Variants in MCF2L observed in about 807,000 individuals in gnomAD.
The protein encoded by MCF2L is MCF.2 cell line derived transforming sequence like.
Under a neutral mutation model 153.4 loss-of-function variants are expected in MCF2L, and 97 were observed. The ratio of observed to expected loss-of-function variants is 0.63; its 90% CI spans 0.54 to 0.75. MCF2L has a LOEUF of 0.75. Among genes scored for constraint, MCF2L ranks in the 30% least tolerant of loss-of-function variants. MCF2L has a pLI of 0.00. For missense variants in MCF2L, 1,347 were observed against 1,495.2 expected (o/e 0.90, Z 1.64); for synonymous variants, 659 against 632.2 (o/e 1.04, Z -0.64).
At chr13:112,942,477 G>C (rs556514029) in intron 2 of MCF2L, among the ~76,000 whole-genome samples, 1 of 152,066 alleles carries the variant, frequency 6.6e-6, no homozygotes, top group Non-Finnish European at 1.5e-5. Context: ...ACCAGTCTCC[G>C]TGTCTTGGTG....
Position 113,088,177 on chromosome 13 carries a change from C to T in MCF2L, c.2689-150C>T, listed in dbSNP as rs2034822677. The T allele has an allele frequency of 4.0e-6, 3 of 755,106 alleles. No individual in the cohort carries two copies. In the South Asian group the frequency reaches 4.7e-5, roughly 12 times the overall value. The allele number at this position is 755,106 out of a possible 1,614,324, so 46.8% of individuals were successfully genotyped here. A position where few individuals can be genotyped will look rare whatever the true frequency, so the allele number is the denominator to read the frequency against. On this transcript the variant is annotated intron_variant, in intron 23 of 29. Transcript: ENST00000535094. ...CACAGAGGGTCCCGCAATGCGGGGC[C>T]ACCCACAGTGCTTTCCTCCTCTCCC...
intron 2 of MCF2L, among the ~76,000 whole-genome samples, chr13:112,912,868 T>A (rs751599035): frequency 1.3e-5 from 2 of 150,276 alleles, no homozygotes; most frequent in African/African-American, 4.9e-5. Context: ...CTGTATGGGG[T>A]GTGTCTGTGT....
At chr13:113,095,020 G>A (rs2035530500) in intron 27 of MCF2L, 1 of 1,374,592 alleles carries the variant, frequency 7.3e-7, no homozygotes, top group South Asian at 1.1e-5. Flanking sequence ...CTTCCTCAGA[G>A]GAGACAGTCC....
At chr13:112,995,914 G>A (rs936439451) in intron 1 of MCF2L, among the ~76,000 whole-genome samples, 1 of 152,184 alleles carries the variant, frequency 6.6e-6, no homozygotes, top group Non-Finnish European at 1.5e-5. Flanking sequence ...GGCGGCCACC[G>A]GGGAGTGATG....
chr13:112,999,732 G>C (rs1223717471), intron 1 of MCF2L, among the ~76,000 whole-genome samples: 1 of 152,222 alleles, frequency 6.6e-6, no homozygotes, highest in African/African-American at 2.4e-5. Flanking sequence ...GGAAGCTGGA[G>C]GTGAGGACAC....
chr13:113,095,018 G>GTCCCCACCCCCCTACCCTTT (rs2035530057), intron 27 of MCF2L: 1 of 1,374,960 alleles, frequency 7.3e-7, no homozygotes, highest in Non-Finnish European at 9.7e-7. Context: ...ACCTTCCTCA[G>GTCCCCACCCCCCTACCCTTT]AGGAGACAGT....
At chr13:112,976,888 A>G (rs2082233795) in intron 1 of MCF2L, among the ~76,000 whole-genome samples, 1 of 152,186 alleles carries the variant, frequency 6.6e-6, no homozygotes, top group Non-Finnish European at 1.5e-5. Flanking sequence ...GCCCAGTCGG[A>G]CAGTGCGGGG....
intron 2 of MCF2L, among the ~76,000 whole-genome samples, chr13:113,020,274 G>T (rs1026802711): frequency 6.6e-6 from 1 of 152,216 alleles, no homozygotes; most frequent in Non-Finnish European, 1.5e-5. Flanking sequence ...TGTTTGGGCC[G>T]AGGCATCACA....
At chr13:112,922,558 C>T (rs1272394937) in intron 2 of MCF2L, among the ~76,000 whole-genome samples, 4 of 151,590 alleles carry the variant, frequency 2.6e-5, no homozygotes, top group East Asian at 1.9e-4. Flanking sequence ...ATCAGCCAGG[C>T]GCAGTGGCTC....
At position 113,014,803 on chromosome 13, in the gene MCF2L, C is replaced by T. The variant is rs752589556; in HGVS notation, c.120C>T (p.Ala40=). ...AGGACATCGTCCCGCTCTGTGCTGC[C>T]GACATCCAGGACCAGCTAAAGAAGC... ...MHQDIVPLCA[A]DIQDQLKKRF... Residue 40 remains alanine, a synonymous_variant, in exon 2 of 30, where the codon GCC becomes GCT. Transcript: ENST00000535094. 8.2e-5 allele frequency: 133 copies of T among 1,613,940 alleles called. No homozygotes were observed. Among genetic ancestry groups the T allele is most frequent in the Non-Finnish European group, 1.1e-4 (128 of 1,180,036 alleles).
At chr13:113,022,861 C>G (rs377634313) in intron 2 of MCF2L, among the ~76,000 whole-genome samples, 196 of 152,014 alleles carry the variant, frequency 1.3e-3, no homozygotes, top group African/African-American at 4.7e-3. Context: ...TCATTGGGAT[C>G]TGAGGAATTT....
At chr13:112,906,194 T>C (rs2081171514) in intron 2 of MCF2L, among the ~76,000 whole-genome samples, 4 of 152,224 alleles carry the variant, frequency 2.6e-5, no homozygotes, top group Admixed American at 1.3e-4. Context: ...TTCCACCACA[T>C]TGTTTCAGTG....
rs146854997 is a variant in MCF2L at position 112,995,885 on chromosome 13, C to T, written c.80-18878C>T. On this transcript the variant is annotated intron_variant, in intron 1 of 29. Transcript: ENST00000535094. ...GGGCGCACCCACAGGAACTGACATC[C>T]GCATGCCAAGCAGCACCTGGCGGCC... Among the ~76,000 whole-genome samples the T allele has an allele frequency of 5.3e-5, 8 of 152,302 alleles. No individual in the cohort carries two copies. The East Asian group carries it at 1.4e-3, about 26-fold the overall frequency.
chr13:112,908,993 G>A (rs919850398), intron 2 of MCF2L, among the ~76,000 whole-genome samples: 7 of 152,144 alleles, frequency 4.6e-5, no homozygotes, highest in African/African-American at 1.7e-4. Context: ...CAAAGCACTG[G>A]TATTACAGGT....
rs575041212 is a variant in MCF2L at position 113,098,659 on chromosome 13, G to A, written c.*1800G>A. 9 of 152,396 alleles carry A rather than the reference G, an allele frequency of 5.9e-5. No individual in the cohort carries two copies. Among genetic ancestry groups the A allele is most frequent in the South Asian group, 2.1e-4 (1 of 4,834 alleles). 9.4% of individuals were successfully genotyped at this position (152,396 alleles called of 1,614,324 possible). A position where few individuals can be genotyped will look rare whatever the true frequency, so the allele number is the denominator to read the frequency against. ...TCATTGTTGGGACGGAAAAGAAGCC[G>A]GCAGTGGGCAGGGCCCAGCGTGCGG... On this transcript the variant is annotated 3_prime_UTR_variant, in exon 30 of 30. Transcript: ENST00000535094.
chr13:112,923,237 A>G (rs769630807), intron 2 of MCF2L, among the ~76,000 whole-genome samples: 2 of 146,320 alleles, frequency 1.4e-5, no homozygotes, highest in Admixed American at 6.8e-5. Context: ...TTTTATCTCC[A>G]TGAACTTCAG....
At chr13:112,956,105 C>T (rs531957983) in intron 2 of MCF2L, 3 of 152,388 alleles carry the variant, frequency 2.0e-5, no homozygotes, top group Admixed American at 1.3e-4. Context: ...TGGGCTGTTC[C>T]TCGAGAGCCG....
intron 4 of MCF2L, among the ~76,000 whole-genome samples, chr13:113,050,976 C>A (rs2087270722): frequency 1.3e-5 from 2 of 152,132 alleles, no homozygotes; most frequent in East Asian, 3.9e-4. Flanking sequence ...GCGAGACCGT[C>A]CCCCAGGGCA....
At position 113,053,502 on chromosome 13, in the gene MCF2L, T is replaced by C. The variant is rs575647261; in HGVS notation, c.370-7091T>C. 4.6e-5 allele frequency among the ~76,000 whole-genome samples: 7 copies of C among 152,298 alleles called. No individual in the cohort carries two copies. Among genetic ancestry groups the C allele is most frequent in the African/African-American group, 1.4e-4 (6 of 41,560 alleles). ...CCCAGGATGTCCATGTGTCCCGTGA[T>C]TGGGGCGGTGTTGTGTGCTCAGACG... is the stretch of plus-strand genomic sequence containing the variant. On this transcript the variant is annotated intron_variant, in intron 4 of 29. Coordinates refer to ENST00000535094, the MANE Select transcript of MCF2L (RefSeq NM_001112732.3). The surrounding 1 kb of genome is among the most constrained non-coding windows in gnomAD (Gnocchi z 4.4).
Sources: gnomAD v4.1 joint callset for allele counts (sites outside exome capture counted in the v4.1 genomes callset) on GRCh38, gnomAD v4.1.1 for gene constraint, Gnocchi (gnomAD v3.1) non-coding constraint, MANE v1.5 for transcripts, NCBI Gene and HGNC (gene_info 2026-07-23, HGNC 2026-07-21) for gene names.